The following CARS2 variants were observed in gnomAD, a reference collection of about 807,000 sequenced individuals.
CARS2 encodes probable cysteine--tRNA ligase, mitochondrial.
In CARS2, 52 loss-of-function variants were observed where a neutral mutation model predicts 68.8. The ratio of observed to expected loss-of-function variants is 0.76; its 90% CI spans 0.61 to 0.95. CARS2 has a LOEUF of 0.95. CARS2 is among the 40% of genes least tolerant of loss of function. The pLI, the probability that CARS2 is intolerant of heterozygous loss-of-function variation, is 0.00. For synonymous variants in CARS2, 314 were observed against 303.6 expected, an observed-to-expected ratio of 1.03 and a Z score of -0.36; for missense variants, 780 against 754.2, an observed-to-expected ratio of 1.03 and a Z score of -0.40.
Position 110,705,042 on chromosome 13 carries a change from C to T in CARS2, c.275+479G>A, listed in dbSNP as rs145521801. 2.0e-5 allele frequency among the ~76,000 whole-genome samples: 3 copies of T among 152,296 alleles called. No homozygotes were observed. The highest frequency in any genetic ancestry group is 7.2e-5 in the African/African-American group (3 of 41,558). Reference sequence around the variant, plus strand: ...CACTATTGAGCCCCGTGACATCTCACATGTGAGGTACAGTGTTAAGCAGCA... The same window carrying T: ...CACTATTGAGCCCCGTGACATCTCATATGTGAGGTACAGTGTTAAGCAGCA... On this transcript the variant is annotated intron_variant, in intron 2 of 14. Transcript: ENST00000257347. This position sits in a 1 kb window ranked among gnomAD's most constrained non-coding sequence, Gnocchi z 4.0.
upstream of CARS2, among the ~76,000 whole-genome samples, chr13:110,708,006 GAAT>G (rs2063996968): frequency 6.6e-6 from 1 of 152,286 alleles, no homozygotes; most frequent in Admixed American, 6.5e-5. Context: ...AAATTCTCCT[GAAT>G]ATTATCACTT....
At chr13:110,664,239 G>A in intron 8 of CARS2, 1 of 979,660 alleles carries the variant, frequency 1.0e-6, no homozygotes, top group Non-Finnish European at 1.2e-6. Context: ...GGACGCAGTG[G>A]CTCACACCCG....
chr13:110,698,550 T>C (rs994918023), intron 3 of CARS2, among the ~76,000 whole-genome samples: 1 of 152,080 alleles, frequency 6.6e-6, no homozygotes, highest in African/African-American at 2.4e-5. Context: ...AAGTTTTTTT[T>C]AAAAAGCACC....
At chr13:110,679,551 A>AGAAAGAAAGAAAGAGAG (rs2063076883) in intron 6 of CARS2, among the ~76,000 whole-genome samples, 2 of 55,324 alleles carry the variant, frequency 3.6e-5, no homozygotes, top group Non-Finnish European at 9.1e-5. Flanking sequence ...AAGAAAAGAA[A>AGAAAGAAAGAAAGAGAG]AGAAAGAAAG....
chr13:110,663,423 CAG>C, intron 9 of CARS2, 26 bp downstream of exon 9: 1 of 1,604,716 alleles, frequency 6.2e-7, no homozygotes, highest in South Asian at 1.1e-5. Context: ...ATCGGCACCT[CAG>C]AGATACAATA....
chr13:110,647,325 C>A, intron 10 of CARS2, 86 bp from the exon 11 acceptor site: 1 of 1,497,972 alleles, frequency 6.7e-7, no homozygotes. Context: ...TTTCTGAGGG[C>A]ACTGCCACCC....
chr13:110,662,666 T>C (rs12429651), intron 9 of CARS2, among the ~76,000 whole-genome samples: 20,124 of 152,264 alleles, frequency 0.13, 1,857 homozygotes, highest in Admixed American at 0.27. Flanking sequence ...GGTGGAGCCA[T>C]AGTGATGTTT....
chr13:110,666,615 CT>C (rs1594293829), intron 8 of CARS2: 1 of 985,316 alleles, frequency 1.0e-6, no homozygotes, highest in Non-Finnish European at 1.2e-6. Flanking sequence ...CAGAGCACTT[CT>C]GCACTTAATG....
In CARS2 at chr13:110,677,007, G is replaced by A. The variant is rs557671802; in HGVS notation, c.752C>T (p.Pro251Leu). The stretch of plus-strand genomic sequence containing the variant: ...GGCAGAGCACTCGATGTGCCAGCCC[G>A]GCCTCCCGGGTCCCCAGGGAGAGGC... ...FWASPWGPGR[P>L]GWHIECSAIA... is the part of the protein sequence containing the mutation. Residue 251 changes from proline (P) to leucine (L), a missense_variant, in exon 7 of 15, where the codon CCG (proline) becomes CTG (leucine). By Grantham distance (98) the Pro-to-Leu change is moderately conservative. Transcript: ENST00000257347. 9.4e-6 allele frequency: 15 copies of A among 1,599,736 alleles called. No homozygotes were observed. The highest frequency in any genetic ancestry group is 2.3e-5 in the East Asian group (1 of 44,142).
At chr13:110,656,402 T>C (rs2062367317) in intron 9 of CARS2, among the ~76,000 whole-genome samples, 2 of 152,194 alleles carry the variant, frequency 1.3e-5, no homozygotes, top group African/African-American at 4.8e-5. Context: ...AAGGAGATCA[T>C]TACATGCCGC....
chr13:110,651,753 G>C (rs1007147586), intron 9 of CARS2, among the ~76,000 whole-genome samples: 4 of 152,214 alleles, frequency 2.6e-5, no homozygotes, highest in African/African-American at 9.7e-5. Context: ...GAAAGAAGTG[G>C]AGCTTTCTAC....
At chr13:110,643,903 G>A (rs1437936895) in intron 13 of CARS2, 3 of 289,588 alleles carry the variant, frequency 1.0e-5, no homozygotes, top group Non-Finnish European at 2.1e-5. Flanking sequence ...AAGCCTGGCA[G>A]CGTCCACCTT....
chr13:110,683,445 A>T (rs897796965), intron 5 of CARS2, among the ~76,000 whole-genome samples: 2 of 152,238 alleles, frequency 1.3e-5, no homozygotes, highest in African/African-American at 4.8e-5. Context: ...AACCAGAATT[A>T]AAAACAATAC....
chr13:110,687,582 G>A, intron 5 of CARS2, 139 bp downstream of exon 5: 1 of 593,366 alleles, frequency 1.7e-6, no homozygotes. Context: ...AGGAGGCTGA[G>A]ACGGGAGAAT....
chr13:110,692,035 C>CAT (rs749625373), intron 3 of CARS2, among the ~76,000 whole-genome samples: 16,077 of 55,850 alleles, frequency 0.29, 1,187 homozygotes, highest in Non-Finnish European at 0.34. Context: ...CACACACACA[C>CAT]ATATATATAT....
intron 3 of CARS2, among the ~76,000 whole-genome samples, chr13:110,693,054 G>A (rs1352974074): frequency 6.8e-6 from 1 of 147,574 alleles, no homozygotes; most frequent in Non-Finnish European, 1.5e-5. Context: ...AGGTTGCAGT[G>A]GGCAGAGATT....
intron 6 of CARS2, among the ~76,000 whole-genome samples, chr13:110,680,395 AAAAC>A (rs567202238): frequency 9.8e-5 from 15 of 152,304 alleles, no homozygotes; most frequent in South Asian, 4.1e-4. Flanking sequence ...TCCGTCTCAA[AAAAC>A]AAACAAACAA....
chr13:110,690,007 T>C (rs1346362702), intron 3 of CARS2, among the ~76,000 whole-genome samples: 1 of 152,148 alleles, frequency 6.6e-6, no homozygotes, highest in Non-Finnish European at 1.5e-5. Flanking sequence ...CGTGGGCAGA[T>C]CATGAGGTCA....
intron 5 of CARS2, among the ~76,000 whole-genome samples, chr13:110,683,422 T>C (rs2063211253): frequency 6.6e-6 from 1 of 152,190 alleles, no homozygotes. Context: ...ATGCCTGGCT[T>C]AATATATTTG....
Sources: gnomAD v4.1 joint callset for allele counts (sites outside exome capture counted in the v4.1 genomes callset) on GRCh38, gnomAD v4.1.1 for gene constraint, Gnocchi (gnomAD v3.1) non-coding constraint, MANE v1.5 for transcripts, NCBI Gene and HGNC (gene_info 2026-07-23, HGNC 2026-07-21) for gene names.